STRADB: variants seen among roughly 807,000 people sequenced by gnomAD.
The protein encoded by STRADB is STE20-related kinase adapter protein beta.
In STRADB, 34 loss-of-function variants were observed where a neutral mutation model predicts 52.1. The observed-to-expected ratio is 0.65, with a 90% CI of 0.50 to 0.87. STRADB has a LOEUF of 0.87. Among genes scored for constraint, STRADB ranks in the 40% least tolerant of loss-of-function variants. The pLI is 0.00. For synonymous variants in STRADB, 133 were observed against 174.5 expected, an observed-to-expected ratio of 0.76 and a Z score of 1.87; for missense variants, 340 against 483.9, an observed-to-expected ratio of 0.70 and a Z score of 2.79.
chr2:201,460,339 A>G (rs1446457994), intron 3 of STRADB, among the ~76,000 whole-genome samples: 1 of 152,202 alleles, frequency 6.6e-6, no homozygotes. Flanking sequence ...TAAATGGGTA[A>G]ATGGTTTATC....
Position 201,463,250 on chromosome 2 carries a change from C to T in STRADB, c.93+4386C>T, listed in dbSNP as rs541228062. Among the ~76,000 whole-genome samples the T allele has an allele frequency of 4.8e-5, 7 of 145,954 alleles. No homozygotes were observed. In the East Asian group the frequency reaches 1.4e-3, roughly 30 times the overall value. On this transcript the variant is annotated intron_variant, in intron 3 of 11. Coordinates refer to ENST00000194530, the MANE Select transcript of STRADB (RefSeq NM_018571.6). ...TACTTGGGAGGCTGAGGCAGAATTG[C>T]TTGAACTTGGGAGGTGGAGGTTGCA...
chr2:201,467,970 T>TG (rs1952328716), intron 3 of STRADB, among the ~76,000 whole-genome samples: 1 of 150,478 alleles, frequency 6.6e-6, no homozygotes, highest in Non-Finnish European at 1.5e-5. Context: ...ATTGGTTTTT[T>TG]GTTTTTTTTT....
chr2:201,462,939 A>G (rs763960517), intron 3 of STRADB, among the ~76,000 whole-genome samples: 2 of 152,198 alleles, frequency 1.3e-5, no homozygotes, highest in Non-Finnish European at 1.5e-5. Context: ...AACTCCCTTT[A>G]GCATTTCTTG....
At chr2:201,454,441 C>G (rs1952097584) in intron 1 of STRADB, among the ~76,000 whole-genome samples, 1 of 152,014 alleles carries the variant, frequency 6.6e-6, no homozygotes, top group African/African-American at 2.4e-5. Flanking sequence ...AAAAAACAAA[C>G]AAAAAACAGT....
chr2:201,473,120 C>T (rs372239587), intron 5 of STRADB, 44 bp downstream of exon 5: 173 of 1,558,878 alleles, frequency 1.1e-4, no homozygotes, highest in Admixed American at 6.0e-4. Flanking sequence ...CCTCTGTATC[C>T]ACTGGTTCCA....
At chr2:201,457,403 G>C (rs1559461960) in intron 2 of STRADB, 1 of 152,166 alleles carries the variant, frequency 6.6e-6, no homozygotes, top group Non-Finnish European at 1.5e-5. Flanking sequence ...CTCTGCAGAG[G>C]AATCAGTTGT....
rs202000881 is a variant in STRADB, at chr2:201,475,692, T to C, written c.498T>C (p.Phe166=). The change falls in exon 7 of 12, where the codon TTT becomes TTC. Residue 166 remains phenylalanine (F), a synonymous_variant. Coordinates refer to ENST00000194530, the MANE Select transcript of STRADB (RefSeq NM_018571.6). ...AAACTTTAATAAGAAACATTCTCTT[T>C]GGAGCCGTGAGAGGGTTGAACTATC... ...MSETLIRNIL[F]GAVRGLNYLH... is the part of the protein sequence containing the mutation. The C allele has an allele frequency of 1.9e-6, 3 of 1,612,324 alleles. No individual in the cohort carries two copies. In the Admixed American group the frequency reaches 5.0e-5, roughly 27 times the overall value.
At chr2:201,479,556 CT>C in intron 11 of STRADB, 25 bp downstream of exon 11, 3 of 1,583,478 alleles carry the variant, frequency 1.9e-6, no homozygotes, top group Non-Finnish European at 2.6e-6. Context: ...CATCCGTTGT[CT>C]CGATGTTTTT....
At chr2:201,476,358 CTTT>C (rs199596100) in intron 7 of STRADB, among the ~76,000 whole-genome samples, 1 of 131,616 alleles carries the variant, frequency 7.6e-6, no homozygotes, top group Non-Finnish European at 1.7e-5. Flanking sequence ...TTTTGTCTTA[CTTT>C]TTTTTTTTTT....
Position 201,473,519 on chromosome 2 carries a change from G to A in STRADB, c.315+443G>A, listed in dbSNP as rs139992949. Reference sequence around the variant, plus strand: ...CCAAACTAATAGTTCTTCTGTTAGGGAAATACAGATTTCTTCTAATTAACA... The same window carrying A: ...CCAAACTAATAGTTCTTCTGTTAGGAAAATACAGATTTCTTCTAATTAACA... On this transcript the variant is annotated intron_variant, in intron 5 of 11. Transcript: ENST00000194530. Among the ~76,000 whole-genome samples, 56 of 152,238 alleles carry A rather than the reference G, an allele frequency of 3.7e-4. No individual in the cohort carries two copies. In the East Asian group the frequency reaches 0.01, roughly 28 times the overall value.
At chr2:201,475,413 T>C (rs1289693802) in intron 6 of STRADB, among the ~76,000 whole-genome samples, 2 of 152,208 alleles carry the variant, frequency 1.3e-5, no homozygotes, top group Non-Finnish European at 2.9e-5. Context: ...TCATTAATTC[T>C]CTTCCCTAAT....
At chr2:201,474,804 T>G (rs761746456) in intron 6 of STRADB, 49 bp downstream of exon 6, 1 of 1,353,178 alleles carries the variant, frequency 7.4e-7, no homozygotes. Context: ...ATGTTATAAT[T>G]ATATAGATGA....
intron 5 of STRADB, among the ~76,000 whole-genome samples, chr2:201,473,984 G>A (rs1292158388): frequency 3.4e-5 from 5 of 148,642 alleles, no homozygotes; most frequent in Admixed American, 6.8e-5. Context: ...TCCGCCTCCC[G>A]GGTTCACGCC....
At chr2:201,479,795 G>A (rs559754683) in intron 11 of STRADB, among the ~76,000 whole-genome samples, 13 of 152,260 alleles carry the variant, frequency 8.5e-5, no homozygotes, top group African/African-American at 2.9e-4. Flanking sequence ...TTAATTTAGA[G>A]ACATTTTCTA....
At chr2:201,457,468 CA>C (rs1355332988) in intron 2 of STRADB, 1 of 152,110 alleles carries the variant, frequency 6.6e-6, no homozygotes, top group African/African-American at 2.4e-5. Flanking sequence ...TTACATAAAA[CA>C]GTGGGAATAT....
chr2:201,475,832 A>C (rs1389274894), intron 7 of STRADB, 90 bp downstream of exon 7: 6 of 1,365,740 alleles, frequency 4.4e-6, no homozygotes, highest in Non-Finnish European at 6.0e-6. Context: ...TGAATATTAG[A>C]AAAAAGGGAT....
intron 2 of STRADB, chr2:201,457,359 A>G (rs2125671799): frequency 6.6e-6 from 1 of 152,356 alleles, no homozygotes; most frequent in African/African-American, 2.4e-5. Context: ...CTGTTTTATT[A>G]TAAATGTTAT....
At chr2:201,472,507 G>A (rs1952405644) in intron 4 of STRADB, among the ~76,000 whole-genome samples, 1 of 152,146 alleles carries the variant, frequency 6.6e-6, no homozygotes, top group Non-Finnish European at 1.5e-5. Flanking sequence ...CACAAAAGAA[G>A]TTGACAACTG....
Position 201,460,693 on chromosome 2 carries a change from T to C in STRADB, c.93+1829T>C, listed in dbSNP as rs552289581. The C allele has an allele frequency of 4.7e-4, 96 of 203,702 alleles. 1 individual carries two copies. The South Asian group carries it at 6.1e-3, about 13-fold the overall frequency. 12.6% of individuals were successfully genotyped at this position (203,702 alleles called of 1,614,324 possible). On this transcript the variant is annotated intron_variant, in intron 3 of 11. Transcript: ENST00000194530. ...ATCCATGTTGTTGCAAATGGTAGTA[T>C]CTCATTCTTTTTTGTGGCTAAATAG... is the stretch of plus-strand genomic sequence containing the variant.
Sources: gnomAD v4.1 joint callset for allele counts (sites outside exome capture counted in the v4.1 genomes callset) on GRCh38, gnomAD v4.1.1 for gene constraint, MANE v1.5 for transcripts, NCBI Gene and HGNC (gene_info 2026-07-23, HGNC 2026-07-21) for gene names.